EXOC6: variants seen among roughly 807,000 people sequenced by gnomAD.
EXOC6 encodes the protein exocyst complex component 6.
In EXOC6, 60 loss-of-function variants were observed where a neutral mutation model predicts 112.5. That is an observed-to-expected ratio of 0.53 (90% CI 0.43 to 0.66). The LOEUF (loss-of-function observed/expected upper bound fraction) is 0.66. Among genes scored for constraint, EXOC6 ranks in the 30% least tolerant of loss-of-function variants. EXOC6 has a pLI of 0.00. For synonymous variants in EXOC6, 295 were observed against 308.0 expected, an observed-to-expected ratio of 0.96 and a Z score of 0.44; for missense variants, 855 against 957.1, an observed-to-expected ratio of 0.89 and a Z score of 1.41.
At chr10:92,975,931 C>A (rs1234803978) in intron 18 of EXOC6, among the ~76,000 whole-genome samples, 2 of 141,352 alleles carry the variant, frequency 1.4e-5, no homozygotes, top group African/African-American at 5.3e-5. Flanking sequence ...GGGGGTCAGC[C>A]CCCCGCCCGG....
chr10:92,861,267 C>T (rs1428272470), intron 1 of EXOC6, among the ~76,000 whole-genome samples: 2 of 152,166 alleles, frequency 1.3e-5, no homozygotes, highest in African/African-American at 2.4e-5. Flanking sequence ...TCTGGGGGCA[C>T]GAACAGTGGC....
intron 13 of EXOC6, among the ~76,000 whole-genome samples, chr10:92,947,173 A>G (rs994149866): frequency 3.3e-5 from 5 of 152,334 alleles, no homozygotes; most frequent in Admixed American, 2.6e-4. Flanking sequence ...AATTCCCCAA[A>G]TATCAGTGGA....
intron 14 of EXOC6, among the ~76,000 whole-genome samples, chr10:92,949,149 T>G (rs754538650): frequency 1.3e-5 from 2 of 152,224 alleles, no homozygotes; most frequent in Non-Finnish European, 2.9e-5. Context: ...TTCTCCTTAC[T>G]CTTCTTTATT....
At chr10:92,955,783 G>A (rs532129061) in intron 17 of EXOC6, 69 bp downstream of exon 17, 22 of 1,399,660 alleles carry the variant, frequency 1.6e-5, no homozygotes, top group Middle Eastern at 3.9e-4. Flanking sequence ...ATTAAAGACC[G>A]TTCTTATATA....
At chr10:92,942,128 T>A (rs1184396509) in intron 13 of EXOC6, among the ~76,000 whole-genome samples, 1 of 152,170 alleles carries the variant, frequency 6.6e-6, no homozygotes, top group Non-Finnish European at 1.5e-5. Flanking sequence ...AGGTGGCTTA[T>A]GCCTGTAATC....
At chr10:92,982,342 A>T (rs1265681023) in intron 18 of EXOC6, among the ~76,000 whole-genome samples, 1 of 152,152 alleles carries the variant, frequency 6.6e-6, no homozygotes, top group East Asian at 1.9e-4. Flanking sequence ...ATGTTGGGAA[A>T]TATATATCCC....
At chr10:93,000,241 G>T (rs1415711588) in intron 19 of EXOC6, among the ~76,000 whole-genome samples, 2 of 151,960 alleles carry the variant, frequency 1.3e-5, no homozygotes, top group African/African-American at 4.8e-5. Context: ...TAAATTTATT[G>T]CTCAAAGATG....
At chr10:93,028,896 CA>C (rs1319025798) in intron 20 of EXOC6, among the ~76,000 whole-genome samples, 3 of 150,628 alleles carry the variant, frequency 2.0e-5, no homozygotes, top group Non-Finnish European at 3.0e-5. Flanking sequence ...AAAGAAGTGG[CA>C]GAATTTGAAA....
intron 1 of EXOC6, among the ~76,000 whole-genome samples, chr10:92,855,766 T>C (rs1016062282): frequency 1.3e-5 from 2 of 152,164 alleles, no homozygotes; most frequent in African/African-American, 4.8e-5. Context: ...AATTTGAGTC[T>C]TTGTTTTTGC....
intron 1 of EXOC6, among the ~76,000 whole-genome samples, chr10:92,859,590 A>G (rs952976042): frequency 6.6e-6 from 1 of 152,218 alleles, no homozygotes; most frequent in Non-Finnish European, 1.5e-5. Flanking sequence ...ATACTTTCAG[A>G]TGAAACCATA....
intron 17 of EXOC6, among the ~76,000 whole-genome samples, chr10:92,956,507 C>T (rs1192184866): frequency 6.6e-6 from 1 of 151,976 alleles, no homozygotes; most frequent in Non-Finnish European, 1.5e-5. Context: ...AATGAATGTA[C>T]TTGTGTTTTA....
intron 7 of EXOC6, 61 bp from the exon 8 acceptor site, chr10:92,919,921 T>G: frequency 1.0e-6 from 1 of 983,496 alleles, no homozygotes; most frequent in Non-Finnish European, 1.5e-6. Flanking sequence ...TAACTTTACA[T>G]TATCTAATGG....
At chr10:93,032,702 C>T (rs1170504889) in intron 20 of EXOC6, among the ~76,000 whole-genome samples, 1 of 152,084 alleles carries the variant, frequency 6.6e-6, no homozygotes, top group Non-Finnish European at 1.5e-5. Flanking sequence ...CCTCCTCTCA[C>T]AGTCCCCCTT....
chr10:92,861,323 G>A (rs1272316417), intron 1 of EXOC6, among the ~76,000 whole-genome samples: 1 of 152,082 alleles, frequency 6.6e-6, no homozygotes, highest in African/African-American at 2.4e-5. Flanking sequence ...CATGGTGCTG[G>A]GTGAGATGGC....
chr10:92,855,652 T>C (rs756719305), intron 1 of EXOC6, among the ~76,000 whole-genome samples: 1 of 152,198 alleles, frequency 6.6e-6, no homozygotes, highest in Non-Finnish European at 1.5e-5. Flanking sequence ...TCTAGGAATT[T>C]GTTGTGTTTC....
chr10:93,022,748 AAC>A (rs1844842159), intron 20 of EXOC6, among the ~76,000 whole-genome samples: 1 of 152,286 alleles, frequency 6.6e-6, no homozygotes, highest in African/African-American at 2.4e-5. Context: ...ATAAAAATAA[AAC>A]TGGTCTTGAA....
intron 5 of EXOC6, among the ~76,000 whole-genome samples, chr10:92,908,216 G>A (rs1314553252): frequency 3.3e-5 from 5 of 151,638 alleles, no homozygotes; most frequent in Non-Finnish European, 5.9e-5. Flanking sequence ...TACCACGCCC[G>A]ACTAATTTTT....
At chr10:93,053,448 A>G (rs1377548046) in intron 20 of EXOC6, among the ~76,000 whole-genome samples, 1 of 152,228 alleles carries the variant, frequency 6.6e-6, no homozygotes, top group Non-Finnish European at 1.5e-5. Flanking sequence ...CAATTCAGAA[A>G]TATTAACGCT....
intron 20 of EXOC6, among the ~76,000 whole-genome samples, chr10:93,041,694 G>A (rs565803871): frequency 3.9e-5 from 6 of 151,952 alleles, no homozygotes; most frequent in African/African-American, 1.2e-4. Context: ...GATTACAGGC[G>A]TGAGCCACCG....
Sources: allele counts gnomAD v4.1 joint callset (sites outside exome capture counted in the v4.1 genomes callset), GRCh38; gene constraint gnomAD v4.1.1; transcripts MANE v1.5; gene names NCBI Gene and HGNC (gene_info 2026-07-23, HGNC 2026-07-21).